The following LHX8 variants were observed in gnomAD, a reference collection of about 807,000 sequenced individuals.
LHX8 encodes LIM/homeobox protein Lhx8.
A neutral mutation model predicts 40.3 loss-of-function variants in LHX8; 12 were observed. That is an observed-to-expected ratio of 0.30 (90% CI 0.19 to 0.48). The LOEUF is 0.48. Among genes scored for constraint, LHX8 ranks in the 20% least tolerant of loss-of-function variants. The pLI is 0.99. For synonymous variants in LHX8, 179 were observed against 162.0 expected (o/e 1.10, Z -0.80); for missense variants, 344 against 433.7 (o/e 0.79, Z 1.84).
chr1:75,140,030 A>G (rs903742601), intron 3 of LHX8, among the ~76,000 whole-genome samples: 1 of 151,822 alleles, frequency 6.6e-6, no homozygotes, highest in African/African-American at 2.4e-5. Context: ...TCTTGTGTCC[A>G]CTTAACAAGA....
chr1:75,145,875 A>G (rs1408408891), intron 6 of LHX8, among the ~76,000 whole-genome samples: 2 of 152,148 alleles, frequency 1.3e-5, no homozygotes, highest in African/African-American at 2.4e-5. Flanking sequence ...AAAATTGTAT[A>G]TCAGAATTAT....
the LHX8 span, among the ~76,000 whole-genome samples, chr1:75,173,691 T>A: frequency 6.6e-6 from 1 of 152,080 alleles, no homozygotes; most frequent in Non-Finnish European, 1.5e-5. Context: ...CCAGGATATA[T>A]ACTGTTAATC....
the LHX8 span, among the ~76,000 whole-genome samples, chr1:75,181,688 C>T: frequency 1.4e-3 from 218 of 152,328 alleles, no homozygotes; most frequent in Non-Finnish European, 2.5e-3. Context: ...CTTTGGCTGG[C>T]TCTCCAAGGG....
At chr1:75,142,075 A>G (rs1375429814) in intron 4 of LHX8, among the ~76,000 whole-genome samples, 1 of 152,148 alleles carries the variant, frequency 6.6e-6, no homozygotes, top group African/African-American at 2.4e-5. Flanking sequence ...CAATATTGGT[A>G]ATAATTTGCT....
At chr1:75,167,160 G>C in the LHX8 span, among the ~76,000 whole-genome samples, 1 of 152,224 alleles carries the variant, frequency 6.6e-6, no homozygotes, top group African/African-American at 2.4e-5. Context: ...AGACAACATG[G>C]AGAAGTATCA....
At chr1:75,189,803 T>C in the LHX8 span, among the ~76,000 whole-genome samples, 1 of 152,238 alleles carries the variant, frequency 6.6e-6, no homozygotes, top group Non-Finnish European at 1.5e-5. Context: ...CTCATCATAC[T>C]GTAATCTCTA....
upstream of LHX8, chr1:75,132,385 C>G (rs12565272): frequency 6.6e-6 from 1 of 152,112 alleles, no homozygotes. Context: ...AGGAGGGGTG[C>G]GCGCAGCTGC....
downstream of LHX8, among the ~76,000 whole-genome samples, chr1:75,163,927 C>G (rs1648980346): frequency 6.6e-6 from 1 of 152,162 alleles, no homozygotes; most frequent in African/African-American, 2.4e-5. Flanking sequence ...TGTGAAGACA[C>G]ACAGGTGCCA....
chr1:75,162,378 TGAG>T (rs1439839299), downstream of LHX8, among the ~76,000 whole-genome samples: 1 of 152,022 alleles, frequency 6.6e-6, no homozygotes, highest in Non-Finnish European at 1.5e-5. Context: ...CATGAAGTGA[TGAG>T]GTCAGCTTTA....
intron 7 of LHX8, among the ~76,000 whole-genome samples, chr1:75,150,776 A>G (rs1355400995): frequency 6.6e-6 from 1 of 151,226 alleles, no homozygotes; most frequent in Non-Finnish European, 1.5e-5. Flanking sequence ...TCCCGGGTTC[A>G]AGCAATTCTC....
the LHX8 span, among the ~76,000 whole-genome samples, chr1:75,185,234 ACTC>A: frequency 6.6e-6 from 1 of 151,386 alleles, no homozygotes; most frequent in Non-Finnish European, 1.5e-5. Context: ...AGGAGGAGGG[ACTC>A]CTCCTCATCT....
the LHX8 span, among the ~76,000 whole-genome samples, chr1:75,166,856 T>C: frequency 6.6e-6 from 1 of 152,158 alleles, no homozygotes; most frequent in African/African-American, 2.4e-5. Context: ...AATCCTATAA[T>C]GGGCTTCCTC....
chr1:75,144,771 A>G (rs1008677293), intron 6 of LHX8, among the ~76,000 whole-genome samples: 13 of 152,138 alleles, frequency 8.5e-5, no homozygotes, highest in African/African-American at 2.2e-4. Context: ...TTGAACGCCT[A>G]TCACACTGCT....
intron 7 of LHX8, among the ~76,000 whole-genome samples, chr1:75,154,785 C>G (rs1648710802): frequency 6.6e-6 from 1 of 152,142 alleles, no homozygotes; most frequent in Non-Finnish European, 1.5e-5. Flanking sequence ...TCCCACTTGT[C>G]TTACTGGTGG....
rs1373684635 is a variant in LHX8 at position 75,143,100 on chromosome 1, C to T, written c.360-18C>T. ...CAGGCATTAAAATATTTACCTTCCA[C>T]ACCTCTATTTAATGTAGAAGGTATG... On this transcript the variant is annotated intron_variant, in intron 4 of 8. Coordinates refer to ENST00000356261, the MANE Select transcript of LHX8 (RefSeq NM_001256114.2). The T allele has an allele frequency of 1.3e-6, 2 of 1,593,000 alleles. No individual in the cohort carries two copies. Among genetic ancestry groups the T allele is most frequent in the African/African-American group, 1.3e-5 (1 of 74,442 alleles).
the LHX8 span, among the ~76,000 whole-genome samples, chr1:75,179,201 A>C: frequency 2.0e-5 from 3 of 152,310 alleles, no homozygotes; most frequent in South Asian, 4.1e-4. Flanking sequence ...CCTGGTTCAA[A>C]GTCAAGTTCA....
the LHX8 span, among the ~76,000 whole-genome samples, chr1:75,177,684 T>G: frequency 6.6e-6 from 1 of 152,206 alleles, no homozygotes; most frequent in Non-Finnish European, 1.5e-5. Flanking sequence ...CTTGCCTGAT[T>G]GCCCTGGCCA....
At chr1:75,128,731 C>T (rs1647888335) in intron 1 of LHX8, 1 of 152,162 alleles carries the variant, frequency 6.6e-6, no homozygotes, top group Non-Finnish European at 1.5e-5. Flanking sequence ...GAAGGTTGTG[C>T]AAACTGACAG....
the LHX8 span, among the ~76,000 whole-genome samples, chr1:75,195,891 A>G: frequency 1.3e-5 from 2 of 152,090 alleles, no homozygotes; most frequent in African/African-American, 2.4e-5. Flanking sequence ...CTCAAATCCT[A>G]TATTCCCCAT....
Sources: allele counts gnomAD v4.1 joint callset (sites outside exome capture counted in the v4.1 genomes callset), GRCh38; gene constraint gnomAD v4.1.1; transcripts MANE v1.5; gene names NCBI Gene and HGNC (gene_info 2026-07-23, HGNC 2026-07-21).